Variants in CELF2 observed in about 807,000 individuals in gnomAD.
CELF2 encodes the protein CUG triplet repeat RNA-binding protein 2.
Under a neutral mutation model 62.6 loss-of-function variants are expected in CELF2, and 8 were observed. That is an observed-to-expected ratio of 0.13 (90% confidence interval 0.07 to 0.23). CELF2 has a LOEUF of 0.23. Ranked by LOEUF, CELF2 falls within the 10% of genes least tolerant of loss-of-function variation. The pLI is 1.00. For synonymous variants in CELF2, 258 were observed against 250.0 expected, an observed-to-expected ratio of 1.03 and a Z score of -0.30; for missense variants, 333 against 671.0, an observed-to-expected ratio of 0.50 and a Z score of 5.56.
intron 2 of CELF2, among the ~76,000 whole-genome samples, chr10:11,187,783 G>A (rs2075345449): frequency 9.2e-6 from 1 of 108,782 alleles, no homozygotes; most frequent in African/African-American, 4.4e-5. Flanking sequence ...ACTTTATGCT[G>A]TTGCTGTTTT....
the CELF2 span, among the ~76,000 whole-genome samples, chr10:10,558,454 CT>C: frequency 1.3e-5 from 2 of 152,066 alleles, no homozygotes; most frequent in African/African-American, 4.8e-5. Flanking sequence ...TTATTGAGGA[CT>C]TTTGCATCAA....
chr10:11,164,381 G>C (rs1476718508), intron 1 of CELF2, among the ~76,000 whole-genome samples: 2 of 152,224 alleles, frequency 1.3e-5, no homozygotes, highest in South Asian at 2.1e-4. Context: ...GTGACTAGAA[G>C]TGCGGGCTGT....
chr10:10,934,428 A>G lies in CELF2; in HGVS notation c.89+14429A>G, dbSNP rs937990341. On this transcript the variant is annotated intron_variant, in intron 2 of 13. Transcript: ENST00000636488. The surrounding 1 kb of genome is among the most constrained non-coding windows in gnomAD (Gnocchi z 4.4). ...ATGAACTCATGAGTAAATGGGAGCT[A>G]AGAATCTTTCTGAATGGTTGAAGTG... is the stretch of plus-strand genomic sequence containing the variant. The G allele has an allele frequency of 7.9e-5, 12 of 152,246 alleles. No individual in the cohort carries two copies. Among genetic ancestry groups the G allele is most frequent in the Admixed American group, 3.3e-4 (5 of 15,288 alleles). The allele number at this position is 152,246 out of a possible 1,614,324, so 9.4% of individuals were successfully genotyped here. A position where few individuals can be genotyped will look rare whatever the true frequency, so the allele number is the denominator to read the frequency against.
In CELF2 at chr10:11,217,543, T is replaced by C. The variant is rs752951880; in HGVS notation, c.354+36T>C. On this transcript the variant is annotated intron_variant, in intron 3 of 12. Transcript: ENST00000633077. The surrounding 1 kb of genome is among the most constrained non-coding windows in gnomAD (Gnocchi z 5.6). ...TTACTTTTGTACCAGAATCACTTTA[T>C]TGCTTGAAAATGGTCCTTTCAACTG... 6 of 1,479,186 alleles carry C rather than the reference T, an allele frequency of 4.1e-6. No individual in the cohort carries two copies. In the Admixed American group the frequency reaches 8.9e-5, roughly 22 times the overall value. 91.6% of individuals were successfully genotyped at this position (1,479,186 alleles called of 1,614,324 possible). A position where few individuals can be genotyped will look rare whatever the true frequency, so the allele number is the denominator to read the frequency against.
At chr10:10,605,901 G>A in the CELF2 span, among the ~76,000 whole-genome samples, 1 of 152,194 alleles carries the variant, frequency 6.6e-6, no homozygotes, top group African/African-American at 2.4e-5. Context: ...GGAAATTGCT[G>A]GTCTGTAATC....
intron 1 of CELF2, among the ~76,000 whole-genome samples, chr10:11,047,823 G>A (rs1270118954): frequency 6.6e-6 from 1 of 151,952 alleles, no homozygotes. Context: ...CCTATATTTA[G>A]ACAAAGTTTT....
intron 1 of CELF2, among the ~76,000 whole-genome samples, chr10:11,051,828 A>T (rs1333186656): frequency 6.6e-6 from 1 of 152,234 alleles, no homozygotes; most frequent in East Asian, 1.9e-4. Context: ...TTAACCATAC[A>T]ATCTAATGAT....
rs142986937 is a variant in CELF2, at chr10:11,206,244, G to T, written c.272-11181G>T. Among the ~76,000 whole-genome samples the T allele has an allele frequency of 1.8e-3, 271 of 152,290 alleles. 1 individual carries two copies. Among genetic ancestry groups the T allele is most frequent in the African/African-American group, 5.9e-3 (245 of 41,564 alleles). ...GCAAGGCAGTGAAGTGGAGACTTGA[G>T]AGATCGGCCTGGCCTGGAAGCATCT... is the stretch of plus-strand genomic sequence containing the variant. On this transcript the variant is annotated intron_variant, in intron 2 of 12. Transcript: ENST00000633077.
chr10:11,194,622 C>G (rs978844601), intron 2 of CELF2, among the ~76,000 whole-genome samples: 4 of 152,310 alleles, frequency 2.6e-5, no homozygotes, highest in Non-Finnish European at 4.4e-5. Flanking sequence ...TTGAAATGCA[C>G]TCTTGCTAGC....
In CELF2 at chr10:11,191,817, G is replaced by T. The variant is rs1017830891; in HGVS notation, c.272-25608G>T. On this transcript the variant is annotated intron_variant, in intron 2 of 12. Transcript: ENST00000633077. The surrounding 1 kb of genome is among the most constrained non-coding windows in gnomAD (Gnocchi z 4.1). ...CTGAGTGTGGAGAAACGGATCCCCA[G>T]TGAAGGAGGAGGGAGGGGCCGTGTG... is the stretch of plus-strand genomic sequence containing the variant. Among the ~76,000 whole-genome samples the T allele has an allele frequency of 3.9e-5, 6 of 152,190 alleles. No homozygotes were observed. Among genetic ancestry groups the T allele is most frequent in the Non-Finnish European group, 8.8e-5 (6 of 68,022 alleles).
chr10:10,632,295 C>A, the CELF2 span, among the ~76,000 whole-genome samples: 1 of 152,128 alleles, frequency 6.6e-6, no homozygotes, highest in Non-Finnish European at 1.5e-5. Context: ...GGTTTTAAAT[C>A]CATTGCCTCA....
intron 2 of CELF2, among the ~76,000 whole-genome samples, chr10:11,197,056 A>G (rs1416523459): frequency 1.9e-4 from 17 of 90,186 alleles, no homozygotes; most frequent in African/African-American, 5.0e-4. Flanking sequence ...AAAGAAAGAA[A>G]GAAAAGAAAG....
rs576938797 is a variant in CELF2 at position 10,943,767 on chromosome 10, T to G, written c.89+23768T>G. 5.3e-4 allele frequency among the ~76,000 whole-genome samples: 70 copies of G among 131,390 alleles called. 1 individual carries two copies. The highest frequency in any genetic ancestry group is 8.2e-4 in the Non-Finnish European group (51 of 62,148). 86.2% of individuals were successfully genotyped at this position (131,390 alleles called of 152,430 possible). A position where few individuals can be genotyped will look rare whatever the true frequency, so the allele number is the denominator to read the frequency against. On this transcript the variant is annotated intron_variant, in intron 2 of 13. Coordinates refer to the CELF2 transcript ENST00000636488. ...GCACACACCACTACTCCCAGCTTTTTTTTTGTTTTGTTTTTGGAGAGATGG... is the reference window on the plus strand; with the variant it reads ...GCACACACCACTACTCCCAGCTTTTGTTTTGTTTTGTTTTTGGAGAGATGG...
the CELF2 span, among the ~76,000 whole-genome samples, chr10:10,744,508 G>A: frequency 2.6e-5 from 4 of 152,104 alleles, no homozygotes; most frequent in South Asian, 8.3e-4. Flanking sequence ...GCTGGTTTCC[G>A]TGTCATACCA....
At chr10:10,622,104 A>G in the CELF2 span, among the ~76,000 whole-genome samples, 3 of 152,202 alleles carry the variant, frequency 2.0e-5, no homozygotes, top group African/African-American at 4.8e-5. Flanking sequence ...TCGTCCTGAC[A>G]GTCACTGGGG....
Position 10,993,010 on chromosome 10 carries a change from G to A in CELF2, c.89+73011G>A, listed in dbSNP as rs1259087855. ...ATTCTTGTTGTCTCTGTCTCAGTAA[G>A]GTTCATTGACCTTGGTGAGACAGCT... On this transcript the variant is annotated intron_variant, in intron 2 of 13. Transcript: ENST00000636488. The surrounding 1 kb of genome is among the most constrained non-coding windows in gnomAD (Gnocchi z 5.3). Among the ~76,000 whole-genome samples the A allele has an allele frequency of 6.6e-6, 1 of 152,140 alleles. No individual in the cohort carries two copies. Among genetic ancestry groups the A allele is most frequent in the Admixed American group, 6.5e-5 (1 of 15,286 alleles).
At chr10:11,241,646 A>G (rs986396241) in intron 3 of CELF2, among the ~76,000 whole-genome samples, 2 of 152,048 alleles carry the variant, frequency 1.3e-5, no homozygotes, top group Admixed American at 6.6e-5. Context: ...TTTAGTGCTG[A>G]TTGATGTTCC....
the CELF2 span, among the ~76,000 whole-genome samples, chr10:10,599,448 G>A: frequency 9.8e-5 from 15 of 152,306 alleles, no homozygotes; most frequent in African/African-American, 3.6e-4. Flanking sequence ...ATATTTACTA[G>A]CAGTAGGCAA....
At chr10:10,956,075 C>T (rs1218991007) in intron 2 of CELF2, among the ~76,000 whole-genome samples, 10 of 152,188 alleles carry the variant, frequency 6.6e-5, no homozygotes, top group Non-Finnish European at 1.5e-4. Flanking sequence ...AGTCCATTTG[C>T]CCTGGCTTTT....
Sources: allele counts gnomAD v4.1 joint callset (sites outside exome capture counted in the v4.1 genomes callset), GRCh38; gene constraint gnomAD v4.1.1; non-coding constraint Gnocchi (gnomAD v3.1); transcripts MANE v1.5; gene names NCBI Gene and HGNC (gene_info 2026-07-23, HGNC 2026-07-21).